Variants in BEND6 observed in about 807,000 individuals in gnomAD.
The protein encoded by BEND6 is BEN domain-containing protein 6.
BEND6 carries 24 observed loss-of-function variants against 31.8 expected under a neutral mutation model. The ratio of observed to expected loss-of-function variants is 0.75; its 90% CI spans 0.55 to 1.06. The LOEUF (loss-of-function observed/expected upper bound fraction) is 1.06, where lower values mean the gene tolerates loss of function less well. BEND6 is among the 50% of genes least tolerant of loss of function. The probability of loss-of-function intolerance (pLI) is 0.00; values close to 1 mark genes in which losing one functional copy is unlikely to be tolerated. For missense variants in BEND6, 294 were observed against 327.4 expected (o/e 0.90, Z 0.79); for synonymous variants, 109 against 114.6 (o/e 0.95, Z 0.31).
intron 6 of BEND6, among the ~76,000 whole-genome samples, chr6:57,020,706 G>A (rs1360240950): frequency 1.3e-5 from 2 of 152,104 alleles, no homozygotes; most frequent in African/African-American, 2.4e-5. Context: ...ACAGGCGTGA[G>A]CCACCGTGAC....
At chr6:56,997,488 A>C (rs1468155813) in intron 3 of BEND6, among the ~76,000 whole-genome samples, 1 of 152,192 alleles carries the variant, frequency 6.6e-6, no homozygotes, top group Non-Finnish European at 1.5e-5. Flanking sequence ...AATTGACTAG[A>C]CTTCTGGCAA....
At chr6:56,968,181 G>A (rs1825553302) in intron 1 of BEND6, among the ~76,000 whole-genome samples, 1 of 152,014 alleles carries the variant, frequency 6.6e-6, no homozygotes, top group Non-Finnish European at 1.5e-5. Flanking sequence ...TTCAGTGAAA[G>A]TACATCCACA....
intron 3 of BEND6, among the ~76,000 whole-genome samples, chr6:56,999,226 A>G (rs1223236086): frequency 6.6e-6 from 1 of 151,640 alleles, no homozygotes; most frequent in African/African-American, 2.4e-5. Context: ...AGCTTGATTC[A>G]CCCCACCCTT....
intron 6 of BEND6, among the ~76,000 whole-genome samples, chr6:57,021,208 G>T (rs914722875): frequency 2.6e-5 from 4 of 152,108 alleles, no homozygotes; most frequent in Non-Finnish European, 5.9e-5. Flanking sequence ...TTGCAAAAAG[G>T]ACTGAGGAAA....
chr6:56,975,592 C>A, intron 1 of BEND6: 1 of 321,214 alleles, frequency 3.1e-6, no homozygotes. Context: ...CTTATTTCTT[C>A]TCGAAAGCAC....
chr6:56,991,810 C>G (rs1011573045), intron 2 of BEND6, among the ~76,000 whole-genome samples: 1 of 152,162 alleles, frequency 6.6e-6, no homozygotes, highest in Non-Finnish European at 1.5e-5. Flanking sequence ...GATTCCCTCA[C>G]GTCCCCTGTC....
At chr6:57,010,576 C>A in intron 3 of BEND6, 1 of 579,296 alleles carries the variant, frequency 1.7e-6, no homozygotes, top group Non-Finnish European at 2.2e-6. Flanking sequence ...TGCTTTGCAT[C>A]AAATAATTTG....
intron 3 of BEND6, among the ~76,000 whole-genome samples, chr6:57,001,909 A>G (rs1234413133): frequency 6.6e-6 from 1 of 152,252 alleles, no homozygotes; most frequent in Non-Finnish European, 1.5e-5. Context: ...TTTGAATGTT[A>G]ATGGTCTAAA....
At chr6:56,977,540 A>G (rs879944719) in intron 1 of BEND6, among the ~76,000 whole-genome samples, 2 of 152,244 alleles carry the variant, frequency 1.3e-5, no homozygotes, top group Non-Finnish European at 2.9e-5. Flanking sequence ...TTTAAAGCCT[A>G]TGGTTATTCA....
At chr6:57,006,733 A>G (rs1827173479) in intron 3 of BEND6, among the ~76,000 whole-genome samples, 1 of 152,220 alleles carries the variant, frequency 6.6e-6, no homozygotes, top group East Asian at 1.9e-4. Context: ...AAATAGAAAA[A>G]ACATTTTTTA....
At chr6:56,992,644 A>G in intron 3 of BEND6, 89 bp downstream of exon 3, 2 of 1,391,192 alleles carry the variant, frequency 1.4e-6, no homozygotes, top group Non-Finnish European at 1.9e-6. Flanking sequence ...AGAATGAAGA[A>G]GAAAATCCAC....
chr6:57,018,659 C>G lies in BEND6; in HGVS notation c.*9+102C>G, dbSNP rs888140560. On this transcript the variant is annotated intron_variant, in intron 6 of 6. Coordinates refer to ENST00000370746, the MANE Select transcript of BEND6 (RefSeq NM_152731.3). ...TTTCCAATCACTCTACTAGAAAATA[C>G]TAGTGACCCATGAAAAGCTAATAGG... 4.1e-5 allele frequency: 48 copies of G among 1,175,642 alleles called. No homozygotes were observed. In the African/African-American group the frequency reaches 7.1e-4, roughly 17 times the overall value. 72.8% of individuals were successfully genotyped at this position (1,175,642 alleles called of 1,614,324 possible).
intron 4 of BEND6, among the ~76,000 whole-genome samples, chr6:57,016,313 A>G (rs1273625561): frequency 1.3e-5 from 2 of 152,222 alleles, no homozygotes; most frequent in Non-Finnish European, 2.9e-5. Context: ...ACCTATTGCT[A>G]TATAACACAT....
intron 1 of BEND6, among the ~76,000 whole-genome samples, chr6:56,974,472 G>A (rs1307456059): frequency 6.6e-6 from 1 of 152,162 alleles, no homozygotes; most frequent in Non-Finnish European, 1.5e-5. Flanking sequence ...ATATAAACTT[G>A]AAGTATCAGT....
intron 2 of BEND6, among the ~76,000 whole-genome samples, chr6:56,986,959 T>C (rs35336675): frequency 0.13 from 19,150 of 150,612 alleles, 1,439 homozygotes; most frequent in Middle Eastern, 0.2. Context: ...TATTAAGCTG[T>C]TTGTGTTTCT....
At chr6:56,976,749 C>T (rs9475761) in intron 1 of BEND6, among the ~76,000 whole-genome samples, 10,960 of 151,950 alleles carry the variant, frequency 0.072, 524 homozygotes, top group East Asian at 0.18. Flanking sequence ...ATTTTTAATA[C>T]AGATGGGGTT....
intron 3 of BEND6, among the ~76,000 whole-genome samples, chr6:56,997,208 A>G (rs1826751446): frequency 6.6e-6 from 1 of 152,164 alleles, no homozygotes; most frequent in African/African-American, 2.4e-5. Flanking sequence ...ACCTCTGCCT[A>G]GAATGTTCTT....
At chr6:57,012,074 G>A (rs1248809326) in intron 3 of BEND6, among the ~76,000 whole-genome samples, 16 of 152,264 alleles carry the variant, frequency 1.1e-4, no homozygotes, top group African/African-American at 3.4e-4. Context: ...GCAGTGAACC[G>A]AGATCATGCC....
At chr6:57,010,875 A>G (rs1267771262) in intron 3 of BEND6, 1 of 680,590 alleles carries the variant, frequency 1.5e-6, no homozygotes, top group African/African-American at 2.0e-5. Context: ...TTAAAATGTT[A>G]TAAAATTAAA....
Sources: gnomAD v4.1 joint callset for allele counts (sites outside exome capture counted in the v4.1 genomes callset) on GRCh38, gnomAD v4.1.1 for gene constraint, MANE v1.5 for transcripts, NCBI Gene and HGNC (gene_info 2026-07-23, HGNC 2026-07-21) for gene names.